Variants in P3H2 observed in about 807,000 individuals in gnomAD.
P3H2 encodes the protein prolyl 3-hydroxylase 2.
A neutral mutation model predicts 87.0 loss-of-function variants in P3H2; 80 were observed. The observed-to-expected ratio is 0.92, with a 90% CI of 0.77 to 1.11. The LOEUF (loss-of-function observed/expected upper bound fraction) is 1.11, where lower values mean the gene tolerates loss of function less well. P3H2 is among the 50% of genes least tolerant of loss of function. The probability of loss-of-function intolerance (pLI) is 0.00; values close to 1 mark genes in which losing one functional copy is unlikely to be tolerated. For missense variants in P3H2, 1,001 were observed against 923.9 expected, an observed-to-expected ratio of 1.08 and a Z score of -1.08; for synonymous variants, 367 against 359.3, an observed-to-expected ratio of 1.02 and a Z score of -0.24.
intron 1 of P3H2, among the ~76,000 whole-genome samples, chr3:190,063,072 C>T (rs1186753095): frequency 6.6e-6 from 1 of 152,052 alleles, no homozygotes; most frequent in Non-Finnish European, 1.5e-5. Flanking sequence ...TGTATTTGGG[C>T]CCAAACCACA....
At chr3:189,975,549 A>C (rs935809649) in intron 8 of P3H2, among the ~76,000 whole-genome samples, 2 of 151,932 alleles carry the variant, frequency 1.3e-5, no homozygotes, top group Non-Finnish European at 2.9e-5. Flanking sequence ...CATTTATAAC[A>C]CTCCCAAGGG....
chr3:190,068,061 T>G (rs1197807914), intron 1 of P3H2, among the ~76,000 whole-genome samples: 1 of 152,096 alleles, frequency 6.6e-6, no homozygotes, highest in Non-Finnish European at 1.5e-5. Context: ...ATGCTTAAAA[T>G]GTTTATATAA....
At chr3:190,098,763 C>A (rs1031578882) in intron 1 of P3H2, among the ~76,000 whole-genome samples, 1 of 152,138 alleles carries the variant, frequency 6.6e-6, no homozygotes, top group African/African-American at 2.4e-5. Flanking sequence ...TCAGACTTAA[C>A]AATGATTTGA....
At chr3:190,087,540 T>C (rs1259911181) in intron 1 of P3H2, among the ~76,000 whole-genome samples, 1 of 105,068 alleles carries the variant, frequency 9.5e-6, no homozygotes, top group African/African-American at 4.0e-5. Context: ...CAAGACTACA[T>C]CTCAAAAAAA....
chr3:190,008,866 G>C (rs1724476647), intron 1 of P3H2, among the ~76,000 whole-genome samples: 1 of 152,146 alleles, frequency 6.6e-6, no homozygotes, highest in African/African-American at 2.4e-5. Flanking sequence ...TAGTGAATCT[G>C]GGGGGTGGGG....
chr3:190,042,083 C>T (rs548372861), intron 1 of P3H2, among the ~76,000 whole-genome samples: 4 of 152,192 alleles, frequency 2.6e-5, no homozygotes, highest in East Asian at 1.9e-4. Flanking sequence ...TGGCTTCTAT[C>T]GTCTGAATGC....
chr3:189,991,057 C>T lies in P3H2; in HGVS notation c.824-2019G>A, dbSNP rs576486265. Among the ~76,000 whole-genome samples, 559 of 152,274 alleles carry T rather than the reference C, an allele frequency of 3.7e-3. 4 individuals are homozygous for T. The highest frequency in any genetic ancestry group is 0.013 in the African/African-American group (537 of 41,550). ...TGAAAGCAGGATGCATATCTCCCCA[C>T]AACCACAACACAGTTAACTATAATA... is the stretch of plus-strand genomic sequence containing the variant. On this transcript the variant is annotated intron_variant, in intron 3 of 14. Coordinates refer to ENST00000319332, the MANE Select transcript of P3H2 (RefSeq NM_018192.4).
At chr3:189,994,305 A>AAAAAC in intron 2 of P3H2, 22 bp from the exon 3 acceptor site, 3 of 1,230,390 alleles carry the variant, frequency 2.4e-6, no homozygotes, top group East Asian at 2.4e-5. Flanking sequence ...CAGACGGGAA[A>AAAAAC]AAACAAACAA....
At chr3:189,997,773 T>C (rs1190238017) in intron 1 of P3H2, among the ~76,000 whole-genome samples, 3 of 152,208 alleles carry the variant, frequency 2.0e-5, no homozygotes, top group Non-Finnish European at 4.4e-5. Context: ...AAATCACTAA[T>C]TTTGGATTTC....
chr3:190,109,845 C>CTTTT (rs141845406), intron 1 of P3H2, among the ~76,000 whole-genome samples: 3 of 124,580 alleles, frequency 2.4e-5, no homozygotes, highest in Non-Finnish European at 5.0e-5. Context: ...GATGCCCAGT[C>CTTTT]TTTTTTTTTT....
chr3:190,071,966 A>C (rs1726711965), intron 1 of P3H2, among the ~76,000 whole-genome samples: 2 of 151,192 alleles, frequency 1.3e-5, no homozygotes, highest in Non-Finnish European at 2.9e-5. Flanking sequence ...GCATATTAAA[A>C]CAAGATGAAG....
At chr3:190,102,453 G>A (rs573117511) in intron 1 of P3H2, among the ~76,000 whole-genome samples, 220 of 152,286 alleles carry the variant, frequency 1.4e-3, no homozygotes, top group African/African-American at 5.2e-3. Context: ...GGATGATTTC[G>A]AGGAATTCAA....
At chr3:190,074,576 T>A (rs1360385943) in intron 1 of P3H2, among the ~76,000 whole-genome samples, 1 of 151,886 alleles carries the variant, frequency 6.6e-6, no homozygotes, top group African/African-American at 2.4e-5. Context: ...AAAGCATCAC[T>A]GTAAAAAAAA....
At chr3:190,114,035 T>A (rs112018736) in intron 1 of P3H2, among the ~76,000 whole-genome samples, 4 of 108,900 alleles carry the variant, frequency 3.7e-5, no homozygotes, top group Non-Finnish European at 5.5e-5. Flanking sequence ...AGCCGAGATG[T>A]CGCCACCACA....
intron 1 of P3H2, among the ~76,000 whole-genome samples, chr3:190,091,369 A>C (rs1296245566): frequency 6.6e-6 from 1 of 152,232 alleles, no homozygotes; most frequent in African/African-American, 2.4e-5. Flanking sequence ...TTACCTTAAC[A>C]GTAACTTCTT....
chr3:190,003,195 C>T (rs1293704939), intron 1 of P3H2, among the ~76,000 whole-genome samples: 1 of 152,172 alleles, frequency 6.6e-6, no homozygotes, highest in Non-Finnish European at 1.5e-5. Context: ...TATGCTCTTT[C>T]CCTCAATTAC....
Position 189,987,648 on chromosome 3 carries a change from AG to A in P3H2, c.976del (p.Leu326TrpfsTer18), listed in dbSNP as rs746433619. 47 of 1,614,068 alleles carry A rather than the reference AG, an allele frequency of 2.9e-5. No individual in the cohort carries two copies. Among genetic ancestry groups the A allele is most frequent in the Non-Finnish European group, 3.7e-5 (44 of 1,180,028 alleles). ...TAGAAGATAGGCTTTGGCACACTCC[AG>A]GGCTTTCACATACTCACCAACTGAA... Reference protein sequence around the residue: ...YYRVGEYVKALECAKAYLLCH... With the variant: ...YYRVGEYVKAXECAKAYLLCH... On this transcript the variant is annotated frameshift_variant, in exon 5 of 15. Transcript: ENST00000319332. LOFTEE classifies it high-confidence loss of function.
intron 1 of P3H2, among the ~76,000 whole-genome samples, chr3:190,060,912 T>A (rs987618080): frequency 2.0e-5 from 3 of 152,180 alleles, no homozygotes; most frequent in Non-Finnish European, 2.9e-5. Context: ...CTGCTTTATT[T>A]ATTTTTTATT....
At chr3:190,095,818 G>A (rs571101718) in intron 1 of P3H2, among the ~76,000 whole-genome samples, 1 of 152,112 alleles carries the variant, frequency 6.6e-6, no homozygotes, top group Admixed American at 6.5e-5. Flanking sequence ...TAGCCAGGAT[G>A]GTCTCGATCT....
Sources: gnomAD v4.1 joint callset for allele counts (sites outside exome capture counted in the v4.1 genomes callset) on GRCh38, gnomAD v4.1.1 for gene constraint, MANE v1.5 for transcripts, NCBI Gene and HGNC (gene_info 2026-07-23, HGNC 2026-07-21) for gene names.